ORAI2: variants seen among roughly 807,000 people sequenced by gnomAD.
ORAI2 encodes protein orai-2.
Under a neutral mutation model 16.2 loss-of-function variants are expected in ORAI2, and 10 were observed. The ratio of observed to expected loss-of-function variants is 0.62; its 90% CI spans 0.38 to 1.04. ORAI2 has a LOEUF of 1.04. Among genes scored for constraint, ORAI2 ranks in the 50% least tolerant of loss-of-function variants. The pLI is 0.01. For synonymous variants in ORAI2, 150 were observed against 157.5 expected (o/e 0.95, Z 0.35); for missense variants, 238 against 355.5 (o/e 0.67, Z 2.66).
At chr7:102,436,518 G>T (rs1227348427) in intron 2 of ORAI2, among the ~76,000 whole-genome samples, 185 bp downstream of exon 2, 1 of 151,906 alleles carries the variant, frequency 6.6e-6, no homozygotes, top group Admixed American at 6.6e-5. Flanking sequence ...CTCGACTCTG[G>T]CATGGATGGA....
At chr7:102,439,415 T>G (rs1211108244) in intron 3 of ORAI2, among the ~76,000 whole-genome samples, 1 of 152,166 alleles carries the variant, frequency 6.6e-6, no homozygotes, top group East Asian at 1.9e-4. Context: ...AAGCCCACTT[T>G]GTCCTGTTCA....
chr7:102,447,316 G>A lies in ORAI2; in HGVS notation c.*264G>A, dbSNP rs141052119. 2.4e-3 allele frequency: 1,149 copies of A among 485,852 alleles called. 4 individuals carry two copies. Among genetic ancestry groups the A allele is most frequent in the Middle Eastern group, 8.3e-3 (15 of 1,802 alleles). 30.1% of individuals were successfully genotyped at this position (485,852 alleles called of 1,614,324 possible). Reference sequence around the variant, plus strand: ...TCCTGGGTCGGGGACACGGTGAAGAGGCTCCAGCGGGACCTGCCCATCAGT... The same window carrying A: ...TCCTGGGTCGGGGACACGGTGAAGAAGCTCCAGCGGGACCTGCCCATCAGT... On this transcript the variant is annotated 3_prime_UTR_variant, in exon 4 of 4. Coordinates refer to ENST00000495936, the MANE Select transcript of ORAI2 (RefSeq NM_001126340.3).
chr7:102,445,087 T>C (rs1225663656), intron 3 of ORAI2, among the ~76,000 whole-genome samples: 5 of 152,252 alleles, frequency 3.3e-5, no homozygotes, highest in Non-Finnish European at 5.9e-5. Flanking sequence ...GACCCAGCCA[T>C]GCCTCCTTTC....
intron 3 of ORAI2, among the ~76,000 whole-genome samples, chr7:102,445,588 C>T (rs1797329318): frequency 6.6e-6 from 1 of 152,194 alleles, no homozygotes; most frequent in African/African-American, 2.4e-5. Flanking sequence ...GTAGCTGGGA[C>T]TACAGGCATG....
At chr7:102,443,642 C>T (rs1031239132) in intron 3 of ORAI2, among the ~76,000 whole-genome samples, 2 of 152,062 alleles carry the variant, frequency 1.3e-5, no homozygotes, top group Admixed American at 1.3e-4. Flanking sequence ...GGATACGTTT[C>T]ACAAGGGCCC....
intron 2 of ORAI2, among the ~76,000 whole-genome samples, chr7:102,436,965 G>A (rs1797077036): frequency 6.6e-6 from 1 of 152,206 alleles, no homozygotes; most frequent in South Asian, 2.1e-4. Flanking sequence ...ACCACAAGAT[G>A]CCTGTGCCCT....
intron 3 of ORAI2, among the ~76,000 whole-genome samples, chr7:102,444,580 T>G (rs1398712796): frequency 3.5e-5 from 5 of 142,038 alleles, no homozygotes; most frequent in Admixed American, 7.5e-5. Flanking sequence ...AGTTTTGTTG[T>G]TTTTTTTTCT....
chr7:102,452,112 A>G lies in ORAI2; in HGVS notation c.*5060A>G, dbSNP rs1355934631. The G allele has an allele frequency of 1.3e-5, 2 of 149,834 alleles. No homozygotes were observed. The highest frequency in any genetic ancestry group is 3.0e-5 in the Non-Finnish European group (2 of 67,734). 9.3% of individuals were successfully genotyped at this position (149,834 alleles called of 1,614,324 possible). On this transcript the variant is annotated 3_prime_UTR_variant, in exon 4 of 4. Coordinates refer to ENST00000495936, the MANE Select transcript of ORAI2 (RefSeq NM_001126340.3). ...TGGGTCCCTCCTGCGGGCTGGTGGC[A>G]CTGCTAAGGAAGCACCAGACAGCCT...
In ORAI2 at chr7:102,447,435, G is replaced by A; in HGVS notation, c.*383G>A. ...TGGCAGACCTGGGAGAGCCAGGGCAGGGTTTTGCGTTCAGAGAAGGATTGC... is the reference window on the plus strand; with the variant it reads ...TGGCAGACCTGGGAGAGCCAGGGCAAGGTTTTGCGTTCAGAGAAGGATTGC... On this transcript the variant is annotated 3_prime_UTR_variant, in exon 4 of 4. Transcript: ENST00000495936. 4.4e-6 allele frequency: 1 copy of A among 228,932 alleles called. No homozygotes were observed. The highest frequency in any genetic ancestry group is 8.6e-6 in the Non-Finnish European group (1 of 116,434). The allele number at this position is 228,932 out of a possible 1,614,324, so 14.2% of individuals were successfully genotyped here.
rs1200892063 is a variant in ORAI2, at chr7:102,443,457, C to T, written c.226-3056C>T. Among the ~76,000 whole-genome samples, 4 of 151,470 alleles carry T rather than the reference C, an allele frequency of 2.6e-5. No homozygotes were observed. The East Asian group carries it at 5.9e-4, about 22-fold the overall frequency. On this transcript the variant is annotated intron_variant, in intron 3 of 3. Transcript: ENST00000495936. ...TTCTCCTTTTAAGGTGGAACAAAAC[C>T]ACTTTTTGCAAGCCCTGCCCCTACC...
chr7:102,455,936 G>A lies in ORAI2; in HGVS notation c.*8884G>A, dbSNP rs974521884. ...GGATGCTGCTTTACAGACAGTGCAC[G>A]GCTCTGCCATCTGACAGCTCCCAGA... is the stretch of plus-strand genomic sequence containing the variant. On this transcript the variant is annotated 3_prime_UTR_variant, in exon 4 of 4. Transcript: ENST00000495936. 6.6e-6 allele frequency: 1 copy of A among 152,298 alleles called. No homozygotes were observed. Among genetic ancestry groups the A allele is most frequent in the Non-Finnish European group, 1.5e-5 (1 of 68,092 alleles). 9.4% of individuals were successfully genotyped at this position (152,298 alleles called of 1,614,324 possible).
intron 3 of ORAI2, among the ~76,000 whole-genome samples, chr7:102,443,122 CTTCTTCTTCTT>C (rs1437760554): frequency 0.024 from 2,042 of 85,220 alleles, 46 homozygotes; most frequent in African/African-American, 0.067. Flanking sequence ...TCTTCTTCTT[CTTCTTCTTCTT>C]TTTTTTTTTT....
chr7:102,437,412 C>G (rs903579645), intron 2 of ORAI2, among the ~76,000 whole-genome samples: 1 of 152,018 alleles, frequency 6.6e-6, no homozygotes, highest in African/African-American at 2.4e-5. Flanking sequence ...CTCTGGAGTT[C>G]AAGACCAGGC....
chr7:102,433,630 G>C lies in ORAI2; in HGVS notation c.-154G>C, dbSNP rs992778018. On this transcript the variant is annotated 5_prime_UTR_variant, in exon 1 of 4. Coordinates refer to ENST00000495936, the MANE Select transcript of ORAI2 (RefSeq NM_001126340.3). This position sits in a 1 kb window ranked among gnomAD's most constrained non-coding sequence, Gnocchi z 4.6. Reference sequence around the variant, plus strand: ...CCACGCGGCCACGCAGTCCGAGCGGGAGCCGAGCCGGGCGGGGCGAGGGCA... The same window carrying C: ...CCACGCGGCCACGCAGTCCGAGCGGCAGCCGAGCCGGGCGGGGCGAGGGCA... 6.6e-6 allele frequency: 1 copy of C among 151,406 alleles called. No homozygotes were observed. The highest frequency in any genetic ancestry group is 2.1e-4 in the South Asian group (1 of 4,836). The allele number at this position is 151,406 out of a possible 1,614,324, so 9.4% of individuals were successfully genotyped here. A position where few individuals can be genotyped will look rare whatever the true frequency, so the allele number is the denominator to read the frequency against.
intron 3 of ORAI2, among the ~76,000 whole-genome samples, chr7:102,441,462 C>G (rs977176002): frequency 6.6e-6 from 1 of 150,430 alleles, no homozygotes; most frequent in African/African-American, 2.5e-5. Flanking sequence ...TTGCTTGAAC[C>G]CGGGAGGCGG....
At chr7:102,435,205 A>G (rs1317667714) in intron 1 of ORAI2, among the ~76,000 whole-genome samples, 1 of 152,156 alleles carries the variant, frequency 6.6e-6, no homozygotes, top group Non-Finnish European at 1.5e-5. Flanking sequence ...TGGGAGGTAG[A>G]ATTTGCAGGG....
intron 3 of ORAI2, among the ~76,000 whole-genome samples, chr7:102,441,525 C>A (rs1262081129): frequency 1.5e-5 from 2 of 134,242 alleles, no homozygotes; most frequent in African/African-American, 2.9e-5. Flanking sequence ...GGCCATAGAG[C>A]GAGACTGCAT....
chr7:102,433,634 C>G lies in ORAI2; in HGVS notation c.-150C>G, dbSNP rs1360116269. The stretch of plus-strand genomic sequence containing the variant: ...GCGGCCACGCAGTCCGAGCGGGAGC[C>G]GAGCCGGGCGGGGCGAGGGCAGCTC... On this transcript the variant is annotated 5_prime_UTR_variant, in exon 1 of 4. Coordinates refer to ENST00000495936, the MANE Select transcript of ORAI2 (RefSeq NM_001126340.3). This position sits in a 1 kb window ranked among gnomAD's most constrained non-coding sequence, Gnocchi z 4.6. The G allele has an allele frequency of 6.6e-6, 1 of 151,394 alleles. No homozygotes were observed. The highest frequency in any genetic ancestry group is 2.4e-5 in the African/African-American group (1 of 41,278). 9.4% of individuals were successfully genotyped at this position (151,394 alleles called of 1,614,324 possible).
Position 102,447,106 on chromosome 7 carries a change from G to A in ORAI2, c.*54G>A, listed in dbSNP as rs1027750264. The A allele has an allele frequency of 1.4e-5, 20 of 1,455,656 alleles. No homozygotes were observed. The highest frequency in any genetic ancestry group is 1.4e-5 in the African/African-American group (1 of 70,326). The allele number at this position is 1,455,656 out of a possible 1,614,324, so 90.2% of individuals were successfully genotyped here. A position where few individuals can be genotyped will look rare whatever the true frequency, so the allele number is the denominator to read the frequency against. ...CCTGTGCCCGGGAGTCCGCAGAGGCGGGGATTTGTCAGATGCAGACATTTT... is the reference window on the plus strand; with the variant it reads ...CCTGTGCCCGGGAGTCCGCAGAGGCAGGGATTTGTCAGATGCAGACATTTT... On this transcript the variant is annotated 3_prime_UTR_variant, in exon 4 of 4. Transcript: ENST00000495936.
Sources: gnomAD v4.1 joint callset for allele counts (sites outside exome capture counted in the v4.1 genomes callset) on GRCh38, gnomAD v4.1.1 for gene constraint, Gnocchi (gnomAD v3.1) non-coding constraint, MANE v1.5 for transcripts, NCBI Gene and HGNC (gene_info 2026-07-23, HGNC 2026-07-21) for gene names.